Variants in ENTREP2 observed in about 807,000 individuals in gnomAD.
ENTREP2 encodes endosomal transmembrane epsin interactor 2, also known as protein ENTREP2.
the ENTREP2 span, among the ~76,000 whole-genome samples, chr15:29,209,222 C>T: frequency 6.6e-6 from 1 of 152,192 alleles, no homozygotes; most frequent in Non-Finnish European, 1.5e-5. Flanking sequence ...ACAAATCTGT[C>T]TGGTCGTGGT....
chr15:29,640,044 C>A, the ENTREP2 span, among the ~76,000 whole-genome samples: 1 of 152,154 alleles, frequency 6.6e-6, no homozygotes, highest in Admixed American at 6.5e-5. Context: ...GCTGTGATTA[C>A]AGGTGTGAGC....
chr15:29,182,286 G>C, the ENTREP2 span, among the ~76,000 whole-genome samples: 2 of 151,678 alleles, frequency 1.3e-5, no homozygotes, highest in South Asian at 2.1e-4. Context: ...CACCGCACCC[G>C]GCTAATTTTT....
chr15:29,143,839 TA>T, the ENTREP2 span, among the ~76,000 whole-genome samples: 1 of 151,842 alleles, frequency 6.6e-6, no homozygotes, highest in Non-Finnish European at 1.5e-5. Flanking sequence ...TACAGGAAGG[TA>T]AAGAACACAG....
the ENTREP2 span, among the ~76,000 whole-genome samples, chr15:29,191,769 C>T: frequency 1.3e-5 from 2 of 152,134 alleles, no homozygotes; most frequent in Non-Finnish European, 2.9e-5. Context: ...AAAAAATTAG[C>T]TGGGCATGGT....
chr15:29,417,058 C>A, the ENTREP2 span, among the ~76,000 whole-genome samples: 2 of 152,168 alleles, frequency 1.3e-5, no homozygotes, highest in Admixed American at 1.3e-4. Context: ...GACTGTAAAC[C>A]AGTTCAACCA....
At chr15:29,639,170 G>A in the ENTREP2 span, among the ~76,000 whole-genome samples, 1,040 of 152,246 alleles carry the variant, frequency 6.8e-3, 17 homozygotes, top group African/African-American at 0.023. Context: ...AGAGTCCCAC[G>A]GCTCTCTAAA....
chr15:29,595,674 T>G, the ENTREP2 span, among the ~76,000 whole-genome samples: 1 of 152,190 alleles, frequency 6.6e-6, no homozygotes, highest in Non-Finnish European at 1.5e-5. Context: ...TTCTTCACTG[T>G]GTCTTTACTT....
At chr15:29,185,447 G>A in the ENTREP2 span, among the ~76,000 whole-genome samples, 1 of 152,176 alleles carries the variant, frequency 6.6e-6, no homozygotes, top group Non-Finnish European at 1.5e-5. Flanking sequence ...ACACAACGAA[G>A]GGCACCCATT....
At chr15:29,372,878 C>A in the ENTREP2 span, among the ~76,000 whole-genome samples, 1 of 150,792 alleles carries the variant, frequency 6.6e-6, no homozygotes, top group Non-Finnish European at 1.5e-5. Flanking sequence ...CTGAATCGTT[C>A]AAAAAAAATA....
At chr15:29,468,632 G>T in the ENTREP2 span, among the ~76,000 whole-genome samples, 1 of 141,576 alleles carries the variant, frequency 7.1e-6, no homozygotes, top group African/African-American at 2.6e-5. Context: ...AAAAAAGCAA[G>T]ACAGATAATC....
the ENTREP2 span, among the ~76,000 whole-genome samples, chr15:29,473,846 C>T: frequency 6.0e-3 from 920 of 152,310 alleles, 11 homozygotes; most frequent in African/African-American, 0.019. Context: ...GCTGCTCTAG[C>T]ACTCATTCAT....
the ENTREP2 span, among the ~76,000 whole-genome samples, chr15:29,446,565 C>T: frequency 1.3e-5 from 2 of 152,186 alleles, no homozygotes; most frequent in African/African-American, 4.8e-5. Flanking sequence ...TCCCCAGTGG[C>T]ACCATGGGGT....
the ENTREP2 span, among the ~76,000 whole-genome samples, chr15:29,593,477 A>C: frequency 6.6e-6 from 1 of 151,864 alleles, no homozygotes; most frequent in Non-Finnish European, 1.5e-5. Flanking sequence ...ACTCCATCTC[A>C]GCTGCCCCCT....
At chr15:29,345,429 C>T in the ENTREP2 span, among the ~76,000 whole-genome samples, 1 of 151,966 alleles carries the variant, frequency 6.6e-6, no homozygotes, top group African/African-American at 2.4e-5. Flanking sequence ...GGATGCTGGG[C>T]AAGCACACCC....
At chr15:29,233,696 G>A in the ENTREP2 span, 12 of 1,198,022 alleles carry the variant, frequency 1.0e-5, no homozygotes, top group African/African-American at 1.5e-4. Context: ...CCTGTTGCAC[G>A]CACTCTGTTG....
the ENTREP2 span, among the ~76,000 whole-genome samples, chr15:29,143,992 C>T: frequency 6.6e-6 from 1 of 152,158 alleles, no homozygotes; most frequent in Non-Finnish European, 1.5e-5. Context: ...CACATTTCGC[C>T]TGGAACTAAA....
At chr15:29,226,674 G>A in the ENTREP2 span, among the ~76,000 whole-genome samples, 1,723 of 152,316 alleles carry the variant, frequency 0.011, 22 homozygotes, top group Non-Finnish European at 0.018. Flanking sequence ...GGGCTCTTCC[G>A]AGGACCCTGG....
chr15:29,198,092 G>T, the ENTREP2 span, among the ~76,000 whole-genome samples: 1 of 152,176 alleles, frequency 6.6e-6, no homozygotes, highest in African/African-American at 2.4e-5. Context: ...TTCACCAGAG[G>T]AACTCAGCTT....
chr15:29,621,646 G>C, the ENTREP2 span, among the ~76,000 whole-genome samples: 1 of 144,484 alleles, frequency 6.9e-6, no homozygotes, highest in Non-Finnish European at 1.5e-5. Flanking sequence ...TGGAAAAATC[G>C]GAACCCTTGT....
Sources: gnomAD v4.1 joint callset for allele counts (sites outside exome capture counted in the v4.1 genomes callset) on GRCh38, gnomAD v4.1.1 for gene constraint, MANE v1.5 for transcripts, NCBI Gene and HGNC (gene_info 2026-07-23, HGNC 2026-07-21) for gene names.